The following RNF125 variants were observed in gnomAD, a reference collection of about 807,000 sequenced individuals.
The protein encoded by RNF125 is E3 ubiquitin-protein ligase RNF125.
In RNF125, 21 loss-of-function variants were observed where a neutral mutation model predicts 26.0. The ratio of observed to expected loss-of-function variants is 0.81; its 90% CI spans 0.57 to 1.16. The LOEUF (loss-of-function observed/expected upper bound fraction) is 1.16. Among genes scored for constraint, RNF125 ranks in the 50% most tolerant of loss-of-function variants. The pLI is 0.00. For missense variants in RNF125, 270 were observed against 299.4 expected, an observed-to-expected ratio of 0.90 and a Z score of 0.72; for synonymous variants, 95 against 109.2, an observed-to-expected ratio of 0.87 and a Z score of 0.81.
intron 4 of RNF125, among the ~76,000 whole-genome samples, chr18:32,063,539 C>A (rs1421986346): frequency 6.6e-6 from 1 of 151,470 alleles, no homozygotes; most frequent in Non-Finnish European, 1.5e-5. Context: ...TAAACATATA[C>A]TTATCATATA....
intron 4 of RNF125, among the ~76,000 whole-genome samples, chr18:32,046,214 CAAAAAAA>C (rs768054716): frequency 1.1e-4 from 8 of 76,172 alleles, no homozygotes; most frequent in East Asian, 4.4e-4. Context: ...AAGACTGTCT[CAAAAAAA>C]AAAAAAAAAA....
intron 4 of RNF125, among the ~76,000 whole-genome samples, chr18:32,061,635 C>G (rs1009179692): frequency 2.0e-5 from 3 of 152,158 alleles, no homozygotes; most frequent in African/African-American, 7.2e-5. Flanking sequence ...GATGCTCCTC[C>G]CTGCTGGCCT....
chr18:32,086,582 A>G, the RNF125 span, among the ~76,000 whole-genome samples: 11 of 151,410 alleles, frequency 7.3e-5, no homozygotes, highest in African/African-American at 2.7e-4. Flanking sequence ...GTGCAATGGC[A>G]TGATCTCAGC....
chr18:32,051,354 CAT>C lies in RNF125; in HGVS notation c.504+5623_504+5624del, dbSNP rs952772290. ...AAGACAGGCTGGGCGCGGTGGCTCA[CAT>C]GTGTAATCCCAGCACTTTGGGAGGC... On this transcript the variant is annotated intron_variant, in intron 4 of 5. Transcript: ENST00000217740. 3.9e-5 allele frequency among the ~76,000 whole-genome samples: 6 copies of C among 152,046 alleles called. No homozygotes were observed. The East Asian group carries it at 1.2e-3, about 30-fold the overall frequency.
At chr18:32,035,424 GAA>G (rs765536693) in intron 1 of RNF125, among the ~76,000 whole-genome samples, 15 of 152,142 alleles carry the variant, frequency 9.9e-5, no homozygotes, top group Non-Finnish European at 1.5e-4. Flanking sequence ...AGTTAAAGAG[GAA>G]AAGAAGAAGA....
chr18:32,037,143 T>C lies in RNF125; in HGVS notation c.192T>C (p.Ser64=), dbSNP rs1352358068. Residue 64 remains serine (S), a synonymous_variant, in exon 2 of 6, where the codon AGT becomes AGC. Coordinates refer to ENST00000217740, the MANE Select transcript of RNF125 (RefSeq NM_017831.4). ...TCTGCCGTTCCTGTATTGCTACCAG[T>C]CTAAAGAACAACAAGTGGACCTGTC... is the stretch of plus-strand genomic sequence containing the variant. ...HVFCRSCIAT[S]LKNNKWTCPY... is the part of the protein sequence containing the mutation. 1 of 1,606,088 alleles carries C rather than the reference T, an allele frequency of 6.2e-7. No individual in the cohort carries two copies. Among genetic ancestry groups the C allele is most frequent in the Admixed American group, 1.7e-5 (1 of 57,726 alleles).
At position 32,044,240 on chromosome 18, in the gene RNF125, C is replaced by T. The variant is rs575816727; in HGVS notation, c.414-1402C>T. 8.8e-4 allele frequency among the ~76,000 whole-genome samples: 134 copies of T among 152,162 alleles called. 1 individual carries two copies. Among genetic ancestry groups the T allele is most frequent in the Non-Finnish European group, 1.7e-3 (115 of 68,002 alleles). ...CAGGCTGGTCTTGAACTCCTGACCT[C>T]GTGATCCACCCGTCTCGGCCTCCCA... On this transcript the variant is annotated intron_variant, in intron 3 of 5. Transcript: ENST00000217740.
chr18:32,061,588 G>A (rs571892611), intron 4 of RNF125, among the ~76,000 whole-genome samples: 5 of 152,194 alleles, frequency 3.3e-5, no homozygotes, highest in African/African-American at 1.2e-4. Flanking sequence ...TTTCTTTTAG[G>A]ATTTACTGCC....
At chr18:32,047,181 C>T (rs2039280513) in intron 4 of RNF125, among the ~76,000 whole-genome samples, 1 of 152,166 alleles carries the variant, frequency 6.6e-6, no homozygotes, top group South Asian at 2.1e-4. Flanking sequence ...GGACTACAGG[C>T]GTGCGCCACC....
At chr18:32,019,963 CTG>C (rs1347593010) in intron 1 of RNF125, among the ~76,000 whole-genome samples, 1 of 152,036 alleles carries the variant, frequency 6.6e-6, no homozygotes, top group Non-Finnish European at 1.5e-5. Flanking sequence ...GTTTGAATAA[CTG>C]GTGGAGTTGG....
At chr18:32,047,441 C>T (rs2039283371) in intron 4 of RNF125, among the ~76,000 whole-genome samples, 1 of 152,168 alleles carries the variant, frequency 6.6e-6, no homozygotes, top group African/African-American at 2.4e-5. Flanking sequence ...ATTATTATTT[C>T]TGCAATTAAT....
intron 4 of RNF125, among the ~76,000 whole-genome samples, chr18:32,047,006 C>T (rs1469603501): frequency 6.6e-6 from 1 of 152,106 alleles, no homozygotes; most frequent in African/African-American, 2.4e-5. Flanking sequence ...ATAGATGGGA[C>T]TGTGGGCACG....
intron 1 of RNF125, among the ~76,000 whole-genome samples, chr18:32,036,635 AG>A (rs150465322): frequency 0.047 from 1,313 of 27,980 alleles, 32 homozygotes; most frequent in African/African-American, 0.15. Flanking sequence ...GAGGGGAGGG[AG>A]GGAGGGGAGA....
intron 4 of RNF125, among the ~76,000 whole-genome samples, chr18:32,053,939 T>TGA (rs1424512866): frequency 0.011 from 1,647 of 152,162 alleles, 33 homozygotes; most frequent in African/African-American, 0.038. Context: ...CATGTATCCA[T>TGA]GAAGCAGTAT....
At chr18:32,087,992 G>A in the RNF125 span, among the ~76,000 whole-genome samples, 1 of 152,130 alleles carries the variant, frequency 6.6e-6, no homozygotes, top group African/African-American at 2.4e-5. Flanking sequence ...CAGCAAACTG[G>A]ATTTGTTTGC....
At chr18:32,028,874 G>A (rs753285135) in intron 1 of RNF125, among the ~76,000 whole-genome samples, 5 of 151,990 alleles carry the variant, frequency 3.3e-5, no homozygotes, top group Non-Finnish European at 7.4e-5. Context: ...CCACTAAGTT[G>A]CTTAATCTCT....
the RNF125 span, among the ~76,000 whole-genome samples, chr18:32,079,821 G>T: frequency 1.3e-5 from 2 of 152,154 alleles, no homozygotes; most frequent in Admixed American, 1.3e-4. Context: ...AGGAGAAGCG[G>T]TATTATTTTG....
chr18:32,033,969 TAA>T (rs371872089), intron 1 of RNF125, among the ~76,000 whole-genome samples: 2 of 139,492 alleles, frequency 1.4e-5, no homozygotes, highest in African/African-American at 2.6e-5. Context: ...AACATACCTT[TAA>T]AAAAAAAAAA....
chr18:32,078,893 A>G, the RNF125 span, among the ~76,000 whole-genome samples: 3 of 152,180 alleles, frequency 2.0e-5, no homozygotes, highest in Admixed American at 2.0e-4. Context: ...TCAGCCTGAA[A>G]TAAATTTCAT....
Sources: allele counts gnomAD v4.1 joint callset (sites outside exome capture counted in the v4.1 genomes callset), GRCh38; gene constraint gnomAD v4.1.1; transcripts MANE v1.5; gene names NCBI Gene and HGNC (gene_info 2026-07-23, HGNC 2026-07-21).